Variants in RARS2 observed in about 807,000 individuals in gnomAD.
RARS2 encodes arginyl-tRNA synthetase 2, mitochondrial.
In RARS2, 67 loss-of-function variants were observed where a neutral mutation model predicts 88.5. The observed-to-expected ratio is 0.76, with a 90% CI of 0.62 to 0.93. The LOEUF is 0.93. Among genes scored for constraint, RARS2 ranks in the 40% least tolerant of loss-of-function variants. The pLI is 0.00. For synonymous variants in RARS2, 239 were observed against 230.3 expected (o/e 1.04, Z -0.34); for missense variants, 664 against 684.2 (o/e 0.97, Z 0.33).
intron 7 of RARS2, among the ~76,000 whole-genome samples, chr6:87,543,185 C>A (rs1202236207): frequency 2.6e-5 from 4 of 151,880 alleles, no homozygotes; most frequent in Admixed American, 2.6e-4. Context: ...TGCCTGTAAA[C>A]CCAGCTACCA....
intron 2 of RARS2, among the ~76,000 whole-genome samples, chr6:87,566,539 T>C (rs557141405): frequency 1.1e-4 from 16 of 152,142 alleles, no homozygotes; most frequent in African/African-American, 3.9e-4. Context: ...GCAGTAGATA[T>C]CAAAATAAAC....
chr6:87,549,211 C>T (rs1325567680), intron 5 of RARS2, among the ~76,000 whole-genome samples: 1 of 151,656 alleles, frequency 6.6e-6, no homozygotes. Context: ...AAAAAATTAG[C>T]GAGGTGTGGT....
chr6:87,528,294 A>G (rs1014403722), intron 10 of RARS2, among the ~76,000 whole-genome samples: 2 of 151,930 alleles, frequency 1.3e-5, no homozygotes, highest in African/African-American at 4.8e-5. Flanking sequence ...ATAAAAGGGA[A>G]CCCTTGTACA....
At chr6:87,564,989 C>A (rs1205625319) in intron 2 of RARS2, among the ~76,000 whole-genome samples, 1 of 151,742 alleles carries the variant, frequency 6.6e-6, no homozygotes, top group East Asian at 2.0e-4. Flanking sequence ...ACCCAGGAGG[C>A]AGAGGTTGCA....
intron 10 of RARS2, among the ~76,000 whole-genome samples, chr6:87,527,619 C>CCT (rs1171120673): frequency 6.6e-6 from 1 of 151,894 alleles, no homozygotes; most frequent in Non-Finnish European, 1.5e-5. Flanking sequence ...GAAGAGACAA[C>CCT]CTAGAGGATT....
rs1464642185 is a variant in RARS2, at chr6:87,537,704, G to A, written c.612+4214C>T. Among the ~76,000 whole-genome samples, 22 of 151,996 alleles carry A rather than the reference G, an allele frequency of 1.4e-4. 1 individual carries two copies. Among genetic ancestry groups the A allele is most frequent in the Non-Finnish European group, 4.4e-5 (3 of 68,008 alleles). On this transcript the variant is annotated intron_variant, in intron 8 of 19. Transcript: ENST00000369536. Reference sequence around the variant, plus strand: ...CAACTTGATATGGAAAAAAAACAAGGGTTCCATCAAAGCTTTGAGAAAACA... The same window carrying A: ...CAACTTGATATGGAAAAAAAACAAGAGTTCCATCAAAGCTTTGAGAAAACA...
intron 1 of RARS2, among the ~76,000 whole-genome samples, chr6:87,581,123 T>C (rs528197296): frequency 3.9e-5 from 6 of 152,106 alleles, no homozygotes; most frequent in Admixed American, 2.0e-4. Context: ...AGTCAAAAAA[T>C]ATTCTCAGTC....
chr6:87,578,497 CCA>C (rs1250444804), intron 1 of RARS2, among the ~76,000 whole-genome samples: 1 of 152,146 alleles, frequency 6.6e-6, no homozygotes, highest in Non-Finnish European at 1.5e-5. Flanking sequence ...GCTTACCAAA[CCA>C]CAACTTTATA....
chr6:87,562,813 G>GT (rs1562212958), intron 3 of RARS2, 28 bp from the exon 4 acceptor site: 1 of 1,555,934 alleles, frequency 6.4e-7, no homozygotes, highest in South Asian at 1.1e-5. Flanking sequence ...CACAAAGTAG[G>GT]TATGTTATAT....
intron 8 of RARS2, 57 bp from the exon 9 acceptor site, chr6:87,530,999 C>T: frequency 6.2e-7 from 1 of 1,604,126 alleles, no homozygotes; most frequent in East Asian, 2.2e-5. Flanking sequence ...TTATCTCTAA[C>T]ACGGAAAGAA....
Position 87,524,605 on chromosome 6 carries a change from G to A in RARS2, c.926C>T (p.Ser309Leu). The A allele has an allele frequency of 1.9e-6, 3 of 1,613,574 alleles. No homozygotes were observed. The highest frequency in any genetic ancestry group is 1.7e-5 in the Admixed American group (1 of 60,002). Residue 309 changes from serine (S) to leucine (L), a missense_variant, in exon 11 of 20, where the codon TCA (serine) becomes TTA (leucine). By Grantham distance (145) the Ser-to-Leu change is moderately radical. Transcript: ENST00000369536. ...ATCACTTCGCATTACAGTACAAATT[G>A]AGGAGGGGTCGCCATTCCCAGAGAG... is the stretch of plus-strand genomic sequence containing the variant. ...VDLSGNGDPSSICTVMRSDGT... is the reference protein window; with the variant it reads ...VDLSGNGDPSLICTVMRSDGT...
intron 1 of RARS2, among the ~76,000 whole-genome samples, chr6:87,570,093 CA>C: frequency 6.6e-6 from 1 of 151,966 alleles, no homozygotes; most frequent in East Asian, 1.9e-4. Flanking sequence ...TACAAATAAA[CA>C]AGTAAATAAC....
chr6:87,551,627 A>C (rs1461341146), intron 5 of RARS2, among the ~76,000 whole-genome samples: 1 of 43,950 alleles, frequency 2.3e-5, no homozygotes, highest in Non-Finnish European at 4.5e-5. Flanking sequence ...CCGTCTCAAC[A>C]AAAAAAAAAA....
intron 8 of RARS2, among the ~76,000 whole-genome samples, chr6:87,538,520 A>G (rs1248231876): frequency 6.6e-6 from 1 of 152,198 alleles, no homozygotes; most frequent in Non-Finnish European, 1.5e-5. Flanking sequence ...GAGTTTGAAG[A>G]CAGATTCCCC....
rs1332607034 is a variant in RARS2 at position 87,576,339 on chromosome 6, C to G, written c.37-6749G>C. Among the ~76,000 whole-genome samples the G allele has an allele frequency of 4.3e-5, 4 of 93,438 alleles. 1 individual carries two copies. The highest frequency in any genetic ancestry group is 8.0e-4 in the South Asian group (2 of 2,508). 61.3% of individuals were successfully genotyped at this position (93,438 alleles called of 152,430 possible). Reference sequence around the variant, plus strand: ...TCGCCCAGGCTGGAGTGCAGTGGCGCGATCTCGGCTCACTGCAAGCTCCGC... The same window carrying G: ...TCGCCCAGGCTGGAGTGCAGTGGCGGGATCTCGGCTCACTGCAAGCTCCGC... On this transcript the variant is annotated intron_variant, in intron 1 of 19. Transcript: ENST00000369536.
intron 5 of RARS2, among the ~76,000 whole-genome samples, chr6:87,549,120 C>T (rs563399418): frequency 1.1e-4 from 17 of 151,730 alleles, no homozygotes; most frequent in Admixed American, 7.9e-4. Flanking sequence ...TTTGGGAGGC[C>T]GAGGCAGATG....
At chr6:87,562,499 C>G (rs1562211655) in intron 4 of RARS2, among the ~76,000 whole-genome samples, 1 of 152,050 alleles carries the variant, frequency 6.6e-6, no homozygotes, top group East Asian at 1.9e-4. Context: ...ATGAAGGGGT[C>G]AGAAAGCTAC....
chr6:87,519,142 T>A (rs956718595), intron 14 of RARS2: 23 of 393,576 alleles, frequency 5.8e-5, no homozygotes, highest in Non-Finnish European at 8.7e-5. Flanking sequence ...ATTTCTGATT[T>A]TATATATATA....
intron 10 of RARS2, 43 bp downstream of exon 10, chr6:87,529,499 A>C (rs756586121): frequency 3.2e-6 from 4 of 1,260,160 alleles, no homozygotes; most frequent in Admixed American, 3.4e-5. Context: ...TAACAATTTC[A>C]AAGAACAAAT....
Sources: gnomAD v4.1 joint callset for allele counts (sites outside exome capture counted in the v4.1 genomes callset) on GRCh38, gnomAD v4.1.1 for gene constraint, MANE v1.5 for transcripts, NCBI Gene and HGNC (gene_info 2026-07-23, HGNC 2026-07-21) for gene names.